INSRR: variants seen among roughly 807,000 people sequenced by gnomAD.
INSRR encodes insulin receptor related receptor.
Under a neutral mutation model 130.0 loss-of-function variants are expected in INSRR, and 114 were observed. The ratio of observed to expected loss-of-function variants is 0.88; its 90% CI spans 0.75 to 1.02. The LOEUF is 1.02. Among genes scored for constraint, INSRR ranks in the 50% least tolerant of loss-of-function variants. The pLI, the probability that INSRR is intolerant of heterozygous loss-of-function variation, is 0.00. For missense variants in INSRR, 1,657 were observed against 1,735.2 expected, an observed-to-expected ratio of 0.95 and a Z score of 0.80; for synonymous variants, 674 against 705.2, an observed-to-expected ratio of 0.96 and a Z score of 0.70.
chr1:156,849,165 C>G (rs921817463), intron 6 of INSRR, 81 bp downstream of exon 6: 10 of 1,600,686 alleles, frequency 6.2e-6, no homozygotes, highest in Non-Finnish European at 8.5e-6. Context: ...CAGAGTGTCC[C>G]CCTCGAGCTT....
In INSRR at chr1:156,851,309, C is replaced by T. The variant is rs1558089712; in HGVS notation, c.1210G>A (p.Gly404Arg). The change falls in exon 5 of 22, where the codon GGA (glycine) becomes AGA (arginine). Residue 404 changes from glycine to arginine, a missense_variant. By Grantham distance (125) the Gly-to-Arg change is moderately radical. Transcript: ENST00000368195. ...CCTTACCCATCCACCATGGCGTCTCCCCGGATTAGTTTGAGGTTCTTGAAA... is the reference window on the plus strand; with the variant it reads ...CCTTACCCATCCACCATGGCGTCTCTCCGGATTAGTTTGAGGTTCTTGAAA... ...GFFKNLKLIR[G>R]DAMVDGNYTL... 6.2e-7 allele frequency: 1 copy of T among 1,614,140 alleles called. No individual in the cohort carries two copies. Among genetic ancestry groups the T allele is most frequent in the Non-Finnish European group, 8.5e-7 (1 of 1,180,036 alleles).
chr1:156,851,610 CAGG>C (rs760476623), intron 4 of INSRR, 33 bp downstream of exon 4: 2 of 1,613,948 alleles, frequency 1.2e-6, no homozygotes, highest in Admixed American at 3.3e-5. Context: ...AGGGTATGAC[CAGG>C]AGGAGGGGTG....
chr1:156,840,709 C>T lies in INSRR; in HGVS notation c.*164G>A, dbSNP rs1302923092. 1.6e-6 allele frequency: 1 copy of T among 637,966 alleles called. No individual in the cohort carries two copies. Among genetic ancestry groups the T allele is most frequent in the East Asian group, 2.7e-5 (1 of 36,728 alleles). 39.5% of individuals were successfully genotyped at this position (637,966 alleles called of 1,614,324 possible). A position where few individuals can be genotyped will look rare whatever the true frequency, so the allele number is the denominator to read the frequency against. On this transcript the variant is annotated 3_prime_UTR_variant, in exon 22 of 22. Coordinates refer to ENST00000368195, the MANE Select transcript of INSRR (RefSeq NM_014215.3). Reference sequence around the variant, plus strand: ...TCTGAGAAACTCCTATGGTGAGACCCCTCTGCCCACCCCCACAGCCTTCCC... The same window carrying T: ...TCTGAGAAACTCCTATGGTGAGACCTCTCTGCCCACCCCCACAGCCTTCCC...
At position 156,846,647 on chromosome 1, in the gene INSRR, G is replaced by C. The variant is rs1351241004; in HGVS notation, c.1682C>G (p.Thr561Ser). The C allele has an allele frequency of 5.0e-6, 8 of 1,613,916 alleles. No homozygotes were observed. The highest frequency in any genetic ancestry group is 6.8e-6 in the Non-Finnish European group (8 of 1,179,942). The change falls in exon 8 of 22, where the codon ACC becomes AGC. Residue 561 changes from threonine (T) to serine (S), a missense_variant. By Grantham distance (58) the Thr-to-Ser change is moderately conservative (BLOSUM62 1). Coordinates refer to ENST00000368195, the MANE Select transcript of INSRR (RefSeq NM_014215.3). ...TGTCCAAGGCTTGAGGGAGGCTAGG[G>C]TCACCCCTGGCTCCTGGGTGCGGCT... ...PLSRTQEPGV[T>S]LASLKPWTQY... is the part of the protein sequence containing the mutation.
At chr1:156,853,448 C>T (rs1655297643) in intron 2 of INSRR, among the ~76,000 whole-genome samples, 1 of 152,198 alleles carries the variant, frequency 6.6e-6, no homozygotes, top group African/African-American at 2.4e-5. Context: ...TTAGCCACTG[C>T]CCCACACTGC....
rs1295367511 is a variant in INSRR at position 156,858,602 on chromosome 1, C to T, written c.20G>A (p.Trp7Ter). MAVPSLWPWGACLPVIF... is the reference protein window; with the variant it reads MAVPSL Reference sequence around the variant, plus strand: ...CACAGGCAGGCATGCTCCCCAGGGCCACAGACTAGGCACTGCCATTGTCCC... The same window carrying T: ...CACAGGCAGGCATGCTCCCCAGGGCTACAGACTAGGCACTGCCATTGTCCC... Residue 7 changes from tryptophan to a stop codon, truncating the protein, a stop_gained, in exon 1 of 22, where the codon TGG becomes TAG. Transcript: ENST00000368195. LOFTEE classifies it high-confidence loss of function. 6 of 1,614,098 alleles carry T rather than the reference C, an allele frequency of 3.7e-6. No homozygotes were observed. Among genetic ancestry groups the T allele is most frequent in the East Asian group, 2.2e-5 (1 of 44,864 alleles).
Position 156,844,839 on chromosome 1 carries a change from C to G in INSRR, c.2442G>C (p.Glu814Asp), listed in dbSNP as rs1412037974. 1 of 1,614,010 alleles carries G rather than the reference C, an allele frequency of 6.2e-7. No individual in the cohort carries two copies. Among genetic ancestry groups the G allele is most frequent in the East Asian group, 2.2e-5 (1 of 44,852 alleles). ...CCACCTTTCCTGGAATACCATCAGC[C>G]TCTCCTGCGGGAAGGGGCATCCAGC... ...FVFARTMPHR[E>D]ADGIPGKVAW... Residue 814 changes from glutamate to aspartate, a missense_variant, in exon 13 of 22, where the codon GAG (glutamate) becomes GAC (aspartate). By Grantham distance (45) the Glu-to-Asp change is conservative. Transcript: ENST00000368195.
chr1:156,853,239 T>C (rs1287010936), intron 2 of INSRR, among the ~76,000 whole-genome samples: 4 of 152,190 alleles, frequency 2.6e-5, no homozygotes, highest in Non-Finnish European at 5.9e-5. Context: ...TGGATCACTG[T>C]GCTGTGGCCA....
chr1:156,846,653 C>T lies in INSRR; in HGVS notation c.1676G>A (p.Gly559Glu). Residue 559 changes from glycine to glutamate, a missense_variant, in exon 8 of 22, where the codon GGG becomes GAG. Transcript: ENST00000368195. ...AGGCTTGAGGGAGGCTAGGGTCACC[C>T]CTGGCTCCTGGGTGCGGCTTAGGGG... Reference protein sequence around the residue: ...ELPLSRTQEPGVTLASLKPWT... With the variant: ...ELPLSRTQEPEVTLASLKPWT... 1.2e-6 allele frequency: 2 copies of T among 1,614,180 alleles called. No homozygotes were observed. The highest frequency in any genetic ancestry group is 1.3e-5 in the African/African-American group (1 of 75,050).
intron 10 of INSRR, 37 bp downstream of exon 10, chr1:156,845,582 T>A (rs370986322): frequency 3.2e-4 from 207 of 650,254 alleles, no homozygotes; most frequent in Non-Finnish European, 4.0e-4. Context: ...CAGGCCCCAC[T>A]CATCAGACCC....
intron 17 of INSRR, among the ~76,000 whole-genome samples, 153 bp from the exon 18 acceptor site, chr1:156,842,661 C>T (rs920672189): frequency 1.3e-5 from 2 of 152,196 alleles, no homozygotes; most frequent in East Asian, 1.9e-4. Context: ...TAACAATGAC[C>T]CTGACCCTAA....
At position 156,851,388 on chromosome 1, in the gene INSRR, G is replaced by A. The variant is rs1374807220; in HGVS notation, c.1131C>T (p.Thr377=). The A allele has an allele frequency of 1.2e-6, 2 of 1,614,172 alleles. No individual in the cohort carries two copies. Among genetic ancestry groups the A allele is most frequent in the Non-Finnish European group, 8.5e-7 (1 of 1,180,008 alleles). The change falls in exon 5 of 22, where the codon ACC becomes ACT. Residue 377 remains threonine, a synonymous_variant. Coordinates refer to ENST00000368195, the MANE Select transcript of INSRR (RefSeq NM_014215.3). ...GCTTGATTTTGAGGAAGCCAGTAAT[G>A]GTTTCTACCAGCCCCAGGCTGTGCT... ...QLQHSLGLVE[T]ITGFLKIKHS...
At position 156,858,729 on chromosome 1, in the gene INSRR, G is replaced by T; in HGVS notation, c.-108C>A. The T allele has an allele frequency of 3.5e-6, 3 of 859,752 alleles. No homozygotes were observed. Among genetic ancestry groups the T allele is most frequent in the Admixed American group, 1.9e-5 (1 of 53,980 alleles). 53.3% of individuals were successfully genotyped at this position (859,752 alleles called of 1,614,324 possible). A position where few individuals can be genotyped will look rare whatever the true frequency, so the allele number is the denominator to read the frequency against. Reference sequence around the variant, plus strand: ...CAGAGACCAGGGTTCAGATAGGAGAGGGAGGGCAGGGGCAGAGAGACAAGG... The same window carrying T: ...CAGAGACCAGGGTTCAGATAGGAGATGGAGGGCAGGGGCAGAGAGACAAGG... On this transcript the variant is annotated 5_prime_UTR_variant, in exon 1 of 22. Transcript: ENST00000368195.
At chr1:156,855,935 GTGTT>G (rs1655393443) in intron 1 of INSRR, among the ~76,000 whole-genome samples, 1 of 151,926 alleles carries the variant, frequency 6.6e-6, no homozygotes, top group African/African-American at 2.4e-5. Context: ...GTGTGTGTGT[GTGTT>G]TGTATGTGTA....
Position 156,852,112 on chromosome 1 carries a change from C to T in INSRR, c.717G>A (p.Gln239=), listed in dbSNP as rs763540321. The change falls in exon 3 of 22, where the codon CAG becomes CAA. Residue 239 remains glutamine (Q), a synonymous_variant. Coordinates refer to ENST00000368195, the MANE Select transcript of INSRR (RefSeq NM_014215.3). ...CHTECLGGCS[Q]PEDPRACVAC... The stretch of plus-strand genomic sequence containing the variant: ...CTACACAGGCACGAGGGTCTTCTGG[C>T]TGGCTGCAGCCCCCCAGGCATTCGG... 3 of 1,613,642 alleles carry T rather than the reference C, an allele frequency of 1.9e-6. No homozygotes were observed. The highest frequency in any genetic ancestry group is 3.3e-5 in the Admixed American group (2 of 60,012).
rs867988899 is a variant in INSRR, at chr1:156,853,118, G to T, written c.637+634C>A. Among the ~76,000 whole-genome samples, 4 of 151,604 alleles carry T rather than the reference G, an allele frequency of 2.6e-5. No individual in the cohort carries two copies. In the South Asian group the frequency reaches 8.4e-4, roughly 32 times the overall value. On this transcript the variant is annotated intron_variant, in intron 2 of 21. Transcript: ENST00000368195. ...TTCCTCTCCTTGCATCATCCTAAAG[G>T]TCCCACCTTACATCTTTGCTCTCAC...
Position 156,840,835 on chromosome 1 carries a change from T to C in INSRR, c.*38A>G. 6.6e-7 allele frequency: 1 copy of C among 1,503,962 alleles called. No homozygotes were observed. Among genetic ancestry groups the C allele is most frequent in the Non-Finnish European group, 9.2e-7 (1 of 1,086,482 alleles). The allele number at this position is 1,503,962 out of a possible 1,614,324, so 93.2% of individuals were successfully genotyped here. A position where few individuals can be genotyped will look rare whatever the true frequency, so the allele number is the denominator to read the frequency against. ...GCCACAGAGGTCGGGTCCCTTCCTGTCTCCCCATGGGAGGCCAGCCAGGGA... is the reference window on the plus strand; with the variant it reads ...GCCACAGAGGTCGGGTCCCTTCCTGCCTCCCCATGGGAGGCCAGCCAGGGA... On this transcript the variant is annotated 3_prime_UTR_variant, in exon 22 of 22. Coordinates refer to ENST00000368195, the MANE Select transcript of INSRR (RefSeq NM_014215.3).
intron 5 of INSRR, among the ~76,000 whole-genome samples, chr1:156,850,188 C>T (rs781163857): frequency 1.3e-5 from 2 of 152,138 alleles, no homozygotes; most frequent in Non-Finnish European, 2.9e-5. Flanking sequence ...AGGCACGAGC[C>T]ACCGCATCTG....
chr1:156,846,820 G>T (rs61813769), intron 7 of INSRR, 63 bp from the exon 8 acceptor site: 50 of 1,299,832 alleles, frequency 3.8e-5, no homozygotes, highest in Non-Finnish European at 5.2e-5. Context: ...TGGCACCCCC[G>T]CTCTGAATCA....
Sources: gnomAD v4.1 joint callset for allele counts (sites outside exome capture counted in the v4.1 genomes callset) on GRCh38, gnomAD v4.1.1 for gene constraint, MANE v1.5 for transcripts, NCBI Gene and HGNC (gene_info 2026-07-23, HGNC 2026-07-21) for gene names.